Variants in LCLAT1 observed in about 807,000 individuals in gnomAD.
LCLAT1 encodes the protein 1-AGP acyltransferase 8.
A neutral mutation model predicts 30.7 loss-of-function variants in LCLAT1; 11 were observed. The ratio of observed to expected loss-of-function variants is 0.36; its 90% confidence interval spans 0.23 to 0.59. The LOEUF is 0.59. Ranked by LOEUF, LCLAT1 falls within the 20% of genes least tolerant of loss-of-function variation. The pLI, the probability that LCLAT1 is intolerant of heterozygous loss-of-function variation, is 0.77. For missense variants in LCLAT1, 402 were observed against 458.6 expected (o/e 0.88, Z 1.13); for synonymous variants, 155 against 151.3 (o/e 1.02, Z -0.18).
intron 2 of LCLAT1, among the ~76,000 whole-genome samples, chr2:30,531,093 G>GTCTC (rs1685961671): frequency 6.6e-6 from 1 of 152,010 alleles, no homozygotes; most frequent in African/African-American, 2.4e-5. Flanking sequence ...GTGAAATCCT[G>GTCTC]TCTCTACTGA....
rs1368599102 is a variant in LCLAT1, at chr2:30,533,116, G to A, written c.166G>A (p.Ala56Thr). 10 of 1,608,372 alleles carry A rather than the reference G, an allele frequency of 6.2e-6. No homozygotes were observed. Among genetic ancestry groups the A allele is most frequent in the Non-Finnish European group, 7.7e-6 (9 of 1,174,798 alleles). ...LVATWLTLPV[A>T]LLETMFGVKV... is the part of the protein sequence containing the mutation. ...CTGTATATCTGTATTGTTTTCTTAGGCATTATTGGAGACCATGTTTGGTGT... is the reference window on the plus strand; with the variant it reads ...CTGTATATCTGTATTGTTTTCTTAGACATTATTGGAGACCATGTTTGGTGT... Residue 56 changes from alanine to threonine, a missense_variant and splice_region_variant, in exon 3 of 6, where the codon GCA becomes ACA. By Grantham distance (58) the Ala-to-Thr change is moderately conservative. Coordinates refer to ENST00000379509, the MANE Select transcript of LCLAT1 (RefSeq NM_001002257.3).
chr2:30,590,624 T>G (rs1666648307), intron 5 of LCLAT1, among the ~76,000 whole-genome samples: 1 of 151,212 alleles, frequency 6.6e-6, no homozygotes, highest in Non-Finnish European at 1.5e-5. Context: ...CATATTTACT[T>G]TGGAATGGAA....
chr2:30,618,963 T>C (rs1196673566), intron 5 of LCLAT1, among the ~76,000 whole-genome samples: 1 of 150,756 alleles, frequency 6.6e-6, no homozygotes, highest in African/African-American at 2.5e-5. Flanking sequence ...TGGTAACAAG[T>C]GCTATCATGT....
At chr2:30,612,034 T>G (rs975090563) in intron 5 of LCLAT1, among the ~76,000 whole-genome samples, 3 of 152,160 alleles carry the variant, frequency 2.0e-5, no homozygotes, top group Admixed American at 2.0e-4. Context: ...AAATGAAGCT[T>G]TCTTTTCTGT....
chr2:30,504,931 G>T (rs989642239), intron 1 of LCLAT1, among the ~76,000 whole-genome samples: 8 of 152,250 alleles, frequency 5.3e-5, no homozygotes, highest in East Asian at 1.9e-4. Flanking sequence ...TTGGGGGAGG[G>T]TGTGGTTTCC....
chr2:30,624,015 A>G (rs1668391656), intron 5 of LCLAT1, among the ~76,000 whole-genome samples: 1 of 152,190 alleles, frequency 6.6e-6, no homozygotes, highest in African/African-American at 2.4e-5. Context: ...CGAAACTAAG[A>G]GCTTCATAAC....
At chr2:30,583,023 A>C (rs2148468217) in intron 5 of LCLAT1, among the ~76,000 whole-genome samples, 1 of 152,338 alleles carries the variant, frequency 6.6e-6, no homozygotes, top group Admixed American at 6.5e-5. Context: ...ATTTTTCTGC[A>C]CTATAAACCA....
At chr2:30,559,951 A>G (rs185396561) in intron 3 of LCLAT1, among the ~76,000 whole-genome samples, 8 of 152,276 alleles carry the variant, frequency 5.3e-5, no homozygotes, top group South Asian at 2.1e-4. Context: ...TCTCTCATCA[A>G]TCCCCCTCAG....
chr2:30,576,440 T>C (rs1162602912), intron 5 of LCLAT1, among the ~76,000 whole-genome samples: 1 of 152,170 alleles, frequency 6.6e-6, no homozygotes, highest in African/African-American at 2.4e-5. Context: ...ACTACATGTT[T>C]ATGTACTTAG....
intron 5 of LCLAT1, among the ~76,000 whole-genome samples, chr2:30,631,179 A>G (rs59228351): frequency 0.039 from 5,962 of 152,238 alleles, 402 homozygotes; most frequent in African/African-American, 0.14. Context: ...GGTACCTTCT[A>G]TCTCCATTCT....
chr2:30,565,511 T>C (rs62139626), intron 4 of LCLAT1, among the ~76,000 whole-genome samples: 36,309 of 152,118 alleles, frequency 0.24, 4,847 homozygotes, highest in Non-Finnish European at 0.3. Context: ...CTATTAAAGT[T>C]GACATATAAA....
chr2:30,586,031 C>T (rs1352641562), intron 5 of LCLAT1, among the ~76,000 whole-genome samples: 11 of 151,894 alleles, frequency 7.2e-5, no homozygotes, highest in South Asian at 4.2e-4. Context: ...TCACGAGGTC[C>T]GGAGATCGAG....
chr2:30,578,004 T>C (rs1438626492), intron 5 of LCLAT1, among the ~76,000 whole-genome samples: 2 of 152,164 alleles, frequency 1.3e-5, no homozygotes, highest in Non-Finnish European at 2.9e-5. Context: ...TTTAAACACT[T>C]TGCCTTTTTG....
intron 1 of LCLAT1, among the ~76,000 whole-genome samples, chr2:30,499,067 G>T (rs1415813328): frequency 6.6e-6 from 1 of 152,226 alleles, no homozygotes; most frequent in Non-Finnish European, 1.5e-5. Flanking sequence ...AATAGAAAGG[G>T]TTTAGTTGGG....
At chr2:30,630,120 G>T (rs1344281466) in intron 5 of LCLAT1, among the ~76,000 whole-genome samples, 1 of 152,104 alleles carries the variant, frequency 6.6e-6, no homozygotes, top group Admixed American at 6.6e-5. Flanking sequence ...CTCCTTCATG[G>T]CTCGCAGATG....
intron 2 of LCLAT1, among the ~76,000 whole-genome samples, chr2:30,529,508 G>T (rs1161291227): frequency 6.6e-6 from 1 of 152,056 alleles, no homozygotes; most frequent in Non-Finnish European, 1.5e-5. Context: ...ATATTGTAAG[G>T]GTCAAACTCA....
intron 3 of LCLAT1, chr2:30,552,448 T>G (rs1208332358): frequency 2.4e-6 from 1 of 408,658 alleles, no homozygotes; most frequent in Non-Finnish European, 4.9e-6. Context: ...ATGTAATTAT[T>G]ACTTGCTCAT....
chr2:30,502,713 C>G (rs947881059), intron 1 of LCLAT1, among the ~76,000 whole-genome samples: 9 of 152,012 alleles, frequency 5.9e-5, no homozygotes, highest in African/African-American at 2.2e-4. Flanking sequence ...TCATCTCTCT[C>G]TTTTTTTTAG....
At chr2:30,493,418 A>T (rs1337544225) in intron 1 of LCLAT1, among the ~76,000 whole-genome samples, 1 of 152,252 alleles carries the variant, frequency 6.6e-6, no homozygotes, top group Non-Finnish European at 1.5e-5. Context: ...AAGTATTTCT[A>T]CAAAGTCATT....
Sources: gnomAD v4.1 joint callset for allele counts (sites outside exome capture counted in the v4.1 genomes callset) on GRCh38, gnomAD v4.1.1 for gene constraint, MANE v1.5 for transcripts, NCBI Gene and HGNC (gene_info 2026-07-23, HGNC 2026-07-21) for gene names.